Variants in CARHSP1 observed in about 807,000 individuals in gnomAD.
The protein encoded by CARHSP1 is calcium regulated heat stable protein 1, also known as calcium-regulated heat-stable protein 1.
In CARHSP1, 14 loss-of-function variants were observed where a neutral mutation model predicts 12.5. The observed-to-expected ratio is 1.12, with a 90% CI of 0.74 to 1.75. CARHSP1 has a LOEUF of 1.75. Ranked by LOEUF, CARHSP1 falls within the 40% of genes most tolerant of loss-of-function variation. The pLI, the probability that CARHSP1 is intolerant of heterozygous loss-of-function variation, is 0.00. For missense variants in CARHSP1, 343 were observed against 201.6 expected (o/e 1.70, Z -4.25); for synonymous variants, 161 against 82.0 (o/e 1.96, Z -5.20).
Position 8,858,471 on chromosome 16 carries a change from T to C in CARHSP1, c.160A>G (p.Thr54Ala). 6.2e-7 allele frequency: 1 copy of C among 1,613,454 alleles called. No individual in the cohort carries two copies. Among genetic ancestry groups the C allele is most frequent in the Non-Finnish European group, 8.5e-7 (1 of 1,179,952 alleles). Reference protein sequence around the residue: ...PTRRTRTFSATVRASQGPVYK... With the variant: ...PTRRTRTFSAAVRASQGPVYK... Reference sequence around the variant, plus strand: ...ACGGGGCCCTGTGAAGCCCGCACCGTCCTGACAGAGAGGGGGAAATGTCAG... The same window carrying C: ...ACGGGGCCCTGTGAAGCCCGCACCGCCCTGACAGAGAGGGGGAAATGTCAG... Residue 54 changes from threonine (T) to alanine (A), a missense_variant and splice_region_variant, in exon 3 of 4, where the codon ACG becomes GCG. Physicochemically the swap from Thr to Ala is moderately conservative, Grantham distance 58 (BLOSUM62 0). Transcript: ENST00000311052.
rs141928273 is a variant in CARHSP1 at position 8,855,591 on chromosome 16, T to TG, written c.282-266dup. ...GGAACTGAAAGAGTTCAGCCACCTG[T>TG]GGGTGCTCACATGGTGACATGAAAT... On this transcript the variant is annotated intron_variant, in intron 3 of 3. Transcript: ENST00000311052. 2.7e-4 allele frequency among the ~76,000 whole-genome samples: 41 copies of TG among 152,284 alleles called. No homozygotes were observed. The East Asian group carries it at 7.5e-3, about 28-fold the overall frequency.
chr16:8,861,278 C>G (rs1190220692), intron 1 of CARHSP1, among the ~76,000 whole-genome samples: 1 of 139,614 alleles, frequency 7.2e-6, no homozygotes, highest in South Asian at 2.4e-4. Flanking sequence ...CTCTTCCTCT[C>G]AAAGTGCTAG....
chr16:8,865,472 G>A (rs1201030337), intron 1 of CARHSP1, among the ~76,000 whole-genome samples: 1 of 152,188 alleles, frequency 6.6e-6, no homozygotes, highest in Non-Finnish European at 1.5e-5. Context: ...AAGGCAGGGG[G>A]ATAAGAGTTC....
chr16:8,858,505 T>A (rs1351116048), intron 2 of CARHSP1, 33 bp from the exon 3 acceptor site: 4 of 1,608,398 alleles, frequency 2.5e-6, no homozygotes, highest in Non-Finnish European at 3.4e-6. Flanking sequence ...AGGGGCCCCA[T>A]CAGCGCTCCT....
Position 8,854,708 on chromosome 16 carries a change from G to C in CARHSP1, c.*456C>G, listed in dbSNP as rs2141065445. The C allele has an allele frequency of 6.5e-6, 1 of 153,962 alleles. No individual in the cohort carries two copies. Among genetic ancestry groups the C allele is most frequent in the Middle Eastern group, 3.3e-3 (1 of 302 alleles). The allele number at this position is 153,962 out of a possible 1,614,324, so 9.5% of individuals were successfully genotyped here. On this transcript the variant is annotated 3_prime_UTR_variant, in exon 4 of 4. Coordinates refer to ENST00000311052, the MANE Select transcript of CARHSP1 (RefSeq NM_014316.4). ...CCAGGAGAGGCGCAAGGGGCACTTA[G>C]GTGGAAATTTGCCTTGGAGAAGTCA...
At chr16:8,861,895 A>G (rs2061365782) in intron 1 of CARHSP1, 1 of 955,604 alleles carries the variant, frequency 1.0e-6, no homozygotes, top group African/African-American at 1.7e-5. Flanking sequence ...AGATGGGAGC[A>G]GTGGCCTCGC....
At chr16:8,858,830 G>A (rs939977360) in intron 2 of CARHSP1, 6 of 406,564 alleles carry the variant, frequency 1.5e-5, no homozygotes, top group African/African-American at 9.9e-5. Context: ...CATTATGTGG[G>A]TCCTTTGCAG....
rs761033334 is a variant in CARHSP1 at position 8,859,271 on chromosome 16, G to C, written c.58C>G (p.Leu20Val). The C allele has an allele frequency of 1.2e-6, 2 of 1,602,822 alleles. No homozygotes were observed. The highest frequency in any genetic ancestry group is 1.7e-6 in the Non-Finnish European group (2 of 1,177,198). ...QPPTHQASVGLLDTPRSRERS... is the reference protein window; with the variant it reads ...QPPTHQASVGVLDTPRSRERS... ...TCACGGCTCCGAGGGGTGTCCAGCA[G>C]CCCGACTGAAGCTTGATGGGTGGGG... Residue 20 changes from leucine (L) to valine (V), a missense_variant, in exon 2 of 4, where the codon CTG (leucine) becomes GTG (valine). By Grantham distance (32) the Leu-to-Val change is conservative (BLOSUM62 1). Coordinates refer to ENST00000311052, the MANE Select transcript of CARHSP1 (RefSeq NM_014316.4).
intron 3 of CARHSP1, chr16:8,857,373 CCTGGGTT>C (rs1175126767): frequency 7.1e-6 from 1 of 141,644 alleles, no homozygotes; most frequent in Non-Finnish European, 1.5e-5. Flanking sequence ...ACCTCCACCT[CCTGGGTT>C]CAAGTGATTC....
intron 3 of CARHSP1, among the ~76,000 whole-genome samples, chr16:8,855,998 A>T (rs751388548): frequency 1.4e-5 from 2 of 140,652 alleles, no homozygotes; most frequent in Non-Finnish European, 3.1e-5. Context: ...TAGCAAAGTC[A>T]GGGTTTCACC....
chr16:8,860,469 G>A (rs768094737), intron 1 of CARHSP1: 32 of 985,346 alleles, frequency 3.2e-5, no homozygotes, highest in South Asian at 9.4e-5. Flanking sequence ...TGAAGGTGTC[G>A]GCTCTAACGT....
chr16:8,855,588 C>T (rs748743880), intron 3 of CARHSP1, among the ~76,000 whole-genome samples: 1 of 152,228 alleles, frequency 6.6e-6, no homozygotes, highest in Non-Finnish European at 1.5e-5. Context: ...GTTCAGCCAC[C>T]TGTGGGTGCT....
At chr16:8,865,235 G>C (rs888111393) in intron 1 of CARHSP1, among the ~76,000 whole-genome samples, 1 of 152,018 alleles carries the variant, frequency 6.6e-6, no homozygotes, top group African/African-American at 2.4e-5. Context: ...TTAGCCTCCC[G>C]AGTAGCTGGG....
chr16:8,860,397 CT>C, intron 1 of CARHSP1: 1 of 985,430 alleles, frequency 1.0e-6, no homozygotes, highest in Non-Finnish European at 1.2e-6. Context: ...TGCTGCTGTG[CT>C]TTTGACAATT....
intron 1 of CARHSP1, among the ~76,000 whole-genome samples, chr16:8,864,198 A>G (rs2061418455): frequency 1.3e-5 from 2 of 152,220 alleles, no homozygotes; most frequent in South Asian, 4.1e-4. Context: ...ATGTGTACAC[A>G]TACATATGTG....
At chr16:8,857,298 T>TTTTTTTTTTTTTG (rs2061164768) in intron 3 of CARHSP1, among the ~76,000 whole-genome samples, 1 of 92,560 alleles carries the variant, frequency 1.1e-5, no homozygotes, top group Non-Finnish European at 2.3e-5. Context: ...TTTTTTTTTT[T>TTTTTTTTTTTTTG]TGAGATGGAG....
intron 1 of CARHSP1, chr16:8,860,146 G>A (rs1221697723): frequency 3.9e-5 from 38 of 985,244 alleles, no homozygotes; most frequent in South Asian, 9.4e-5. Flanking sequence ...GGAACACGTC[G>A]CAGAGAGCTC....
At chr16:8,860,055 T>A (rs1184487341) in intron 1 of CARHSP1, 3 of 798,604 alleles carry the variant, frequency 3.8e-6, no homozygotes, top group Non-Finnish European at 4.6e-6. Flanking sequence ...GGACCCTCCC[T>A]GACGCTGCTG....
chr16:8,862,825 A>G (rs996902565), intron 1 of CARHSP1, among the ~76,000 whole-genome samples: 2 of 152,006 alleles, frequency 1.3e-5, no homozygotes, highest in African/African-American at 2.4e-5. Context: ...CATCATCATC[A>G]CTGTCATTGT....
Sources: allele counts gnomAD v4.1 joint callset (sites outside exome capture counted in the v4.1 genomes callset), GRCh38; gene constraint gnomAD v4.1.1; transcripts MANE v1.5; gene names NCBI Gene and HGNC (gene_info 2026-07-23, HGNC 2026-07-21).